The following XYLT1 variants were observed in gnomAD, a reference collection of about 807,000 sequenced individuals.
XYLT1 encodes the protein beta-D-xylosyltransferase 1.
XYLT1 carries 36 observed loss-of-function variants against 91.3 expected under a neutral mutation model. The observed-to-expected ratio is 0.39, with a 90% confidence interval of 0.30 to 0.52. The LOEUF (loss-of-function observed/expected upper bound fraction) is 0.52, where lower values mean the gene tolerates loss of function less well. Among genes scored for constraint, XYLT1 ranks in the 20% least tolerant of loss-of-function variants. XYLT1 has a pLI of 0.68. For synonymous variants in XYLT1, 588 were observed against 532.0 expected (o/e 1.11, Z -1.45); for missense variants, 1,242 against 1,284.5 (o/e 0.97, Z 0.51).
chr16:17,230,369 G>T (rs2033139848), intron 3 of XYLT1, among the ~76,000 whole-genome samples: 1 of 152,098 alleles, frequency 6.6e-6, no homozygotes, highest in Admixed American at 6.5e-5. Flanking sequence ...TTGCATTGCT[G>T]CCTGTCCACT....
intron 5 of XYLT1, among the ~76,000 whole-genome samples, chr16:17,175,903 T>G (rs185340976): frequency 6.6e-6 from 1 of 152,320 alleles, no homozygotes; most frequent in East Asian, 1.9e-4. Flanking sequence ...CTCCAGCTCT[T>G]TGGAATGTTT....
chr16:17,285,870 ATC>A (rs1211493398), intron 2 of XYLT1, among the ~76,000 whole-genome samples: 6 of 124,846 alleles, frequency 4.8e-5, no homozygotes, highest in East Asian at 2.5e-4. Flanking sequence ...AACCTGGTGT[ATC>A]TCTGTGTGTG....
chr16:17,313,898 T>C (rs1422209169), intron 2 of XYLT1, among the ~76,000 whole-genome samples: 1 of 152,088 alleles, frequency 6.6e-6, no homozygotes, highest in African/African-American at 2.4e-5. Flanking sequence ...GGGATATAAT[T>C]AAGGGGCTTT....
intron 3 of XYLT1, among the ~76,000 whole-genome samples, chr16:17,208,786 A>C (rs2032705126): frequency 6.6e-6 from 1 of 152,084 alleles, no homozygotes; most frequent in Non-Finnish European, 1.5e-5. Flanking sequence ...GTGCTGTGGC[A>C]CAATCTCGGC....
intron 3 of XYLT1, among the ~76,000 whole-genome samples, chr16:17,243,948 C>A (rs563668990): frequency 6.6e-6 from 1 of 152,140 alleles, no homozygotes; most frequent in Admixed American, 6.5e-5. Flanking sequence ...ACATTTTGGA[C>A]TGGAAAATCA....
intron 10 of XYLT1, among the ~76,000 whole-genome samples, chr16:17,121,272 A>G (rs752715195): frequency 1.3e-5 from 2 of 152,230 alleles, no homozygotes; most frequent in Non-Finnish European, 2.9e-5. Flanking sequence ...ATCGAGTTTT[A>G]AAACCAAGAT....
chr16:17,459,790 CA>C (rs1361675416), intron 1 of XYLT1, among the ~76,000 whole-genome samples: 1 of 152,164 alleles, frequency 6.6e-6, no homozygotes, highest in Non-Finnish European at 1.5e-5. Flanking sequence ...CCCTGCTGTG[CA>C]TAAGGCCTGG....
At chr16:17,236,946 A>G (rs961681909) in intron 3 of XYLT1, among the ~76,000 whole-genome samples, 2 of 152,176 alleles carry the variant, frequency 1.3e-5, no homozygotes, top group Non-Finnish European at 2.9e-5. Flanking sequence ...TAGGAATTCA[A>G]CCTATTTTGG....
chr16:17,443,990 C>A (rs2036562559), intron 1 of XYLT1, among the ~76,000 whole-genome samples: 3 of 152,180 alleles, frequency 2.0e-5, no homozygotes, highest in Non-Finnish European at 4.4e-5. Context: ...CTTTCCCCCA[C>A]CAGGCTCCCC....
intron 2 of XYLT1, among the ~76,000 whole-genome samples, chr16:17,294,891 A>G (rs2034286613): frequency 6.6e-6 from 1 of 152,226 alleles, no homozygotes; most frequent in South Asian, 2.1e-4. Flanking sequence ...TAAAAGAAGT[A>G]ACATCCAAGG....
intron 2 of XYLT1, among the ~76,000 whole-genome samples, chr16:17,338,774 G>C (rs190349991): frequency 6.6e-6 from 1 of 152,156 alleles, no homozygotes; most frequent in East Asian, 1.9e-4. Context: ...TAGTAGAGAC[G>C]GGCTTTCACC....
Position 17,259,476 on chromosome 16 carries a change from G to A in XYLT1, c.425C>T (p.Pro142Leu), listed in dbSNP as rs143159780. Residue 142 changes from proline (P) to leucine (L), a missense_variant, in exon 3 of 12, where the codon CCG becomes CTG. Pro to Leu is a moderately conservative substitution (Grantham distance 98). Around this residue, in one of 3 missense-constraint regions of XYLT1, gnomAD observed 437 missense variants for 411.5 expected, o/e 1.06. Coordinates refer to ENST00000261381, the MANE Select transcript of XYLT1 (RefSeq NM_022166.4). ...GCTGTCTGTTCGCACTTTCTCTTTC[G>A]GCCGATGAGAAAAGTAGCCATCCTG... ...ETQDGYFSHRPKEKVRTDSNN... is the reference protein window; with the variant it reads ...ETQDGYFSHRLKEKVRTDSNN... The A allele has an allele frequency of 8.7e-5, 140 of 1,608,980 alleles. 2 individuals are homozygous for A. In the African/African-American group the frequency reaches 1.3e-3, roughly 15 times the overall value.
intron 2 of XYLT1, among the ~76,000 whole-genome samples, chr16:17,346,784 C>A (rs1266391647): frequency 6.6e-6 from 1 of 152,160 alleles, no homozygotes; most frequent in African/African-American, 2.4e-5. Flanking sequence ...CTTCTTCTAG[C>A]ATTGAGCTGG....
intron 6 of XYLT1, among the ~76,000 whole-genome samples, chr16:17,152,695 C>G (rs1260050779): frequency 6.6e-6 from 1 of 152,232 alleles, no homozygotes; most frequent in African/African-American, 2.4e-5. Context: ...AGGGAGGCAG[C>G]TCAGATGCCA....
At chr16:17,431,909 C>T (rs1455375867) in intron 1 of XYLT1, among the ~76,000 whole-genome samples, 2 of 152,192 alleles carry the variant, frequency 1.3e-5, no homozygotes, top group African/African-American at 4.8e-5. Context: ...CTTCTGGGGT[C>T]TGGAAGCTCT....
At chr16:17,385,051 A>C (rs991300111) in intron 1 of XYLT1, among the ~76,000 whole-genome samples, 1 of 151,774 alleles carries the variant, frequency 6.6e-6, no homozygotes, top group Non-Finnish European at 1.5e-5. Flanking sequence ...TCCTTGAAGG[A>C]GGTAAAAGCT....
intron 1 of XYLT1, among the ~76,000 whole-genome samples, chr16:17,462,600 C>T (rs2036838023): frequency 2.0e-5 from 3 of 152,188 alleles, no homozygotes; most frequent in African/African-American, 7.2e-5. Flanking sequence ...GTGCTGCAGA[C>T]CCAGGCTCTC....
chr16:17,163,553 G>A (rs1297897415), intron 5 of XYLT1, among the ~76,000 whole-genome samples: 1 of 152,212 alleles, frequency 6.6e-6, no homozygotes, highest in Non-Finnish European at 1.5e-5. Context: ...CCCGACTGCA[G>A]GATACTGTCA....
chr16:17,395,104 G>A (rs768128187), intron 1 of XYLT1, among the ~76,000 whole-genome samples: 45 of 152,270 alleles, frequency 3.0e-4, no homozygotes, highest in Non-Finnish European at 5.4e-4. Flanking sequence ...AGAGGAAGAG[G>A]GGCAAGGCAC....
Sources: allele counts gnomAD v4.1 joint callset (sites outside exome capture counted in the v4.1 genomes callset), GRCh38; gene constraint gnomAD v4.1.1; regional missense constraint gnomAD v4.1.1; transcripts MANE v1.5; gene names NCBI Gene and HGNC (gene_info 2026-07-23, HGNC 2026-07-21).